The following PROS1 variants were observed in gnomAD, a reference collection of about 807,000 sequenced individuals.
The protein encoded by PROS1 is vitamin K-dependent protein S.
PROS1 carries 29 observed loss-of-function variants against 75.9 expected under a neutral mutation model. The observed-to-expected ratio is 0.38, with a 90% confidence interval of 0.28 to 0.52. The LOEUF (loss-of-function observed/expected upper bound fraction) is 0.52. Among genes scored for constraint, PROS1 ranks in the 20% least tolerant of loss-of-function variants. The pLI is 0.83. For synonymous variants in PROS1, 245 were observed against 280.6 expected (o/e 0.87, Z 1.27); for missense variants, 680 against 810.3 (o/e 0.84, Z 1.95).
chr3:93,886,454 T>C lies in PROS1; in HGVS notation c.1205A>G (p.Glu402Gly), dbSNP rs775715647. The change falls in exon 11 of 15, where the codon GAA becomes GGA. Residue 402 changes from glutamate (E) to glycine (G), a missense_variant. By Grantham distance (98) the Glu-to-Gly change is moderately conservative. Transcript: ENST00000394236. ...EHSISIKIAK[E>G]AVMDINKPGP... ...AGGTTTATTTATATCCATCACAGCT[T>C]CTTTAGCTATTTTAATGCTAATACT... The C allele has an allele frequency of 6.2e-7, 1 of 1,612,740 alleles. No individual in the cohort carries two copies. The highest frequency in any genetic ancestry group is 8.5e-7 in the Non-Finnish European group (1 of 1,178,860).
rs769962553 is a variant in PROS1 at position 93,886,328 on chromosome 3, A to AT, written c.1323+7dup. On this transcript the variant is annotated splice_region_variant and intron_variant, in intron 11 of 14. Transcript: ENST00000394236. ...TCCATGATGAATGATACAAGCTTGG[A>AT]TCATTACCGGTTTAATGAGTTCACT... The AT allele has an allele frequency of 6.2e-7, 1 of 1,612,366 alleles. No individual in the cohort carries two copies. Among genetic ancestry groups the AT allele is most frequent in the Non-Finnish European group, 8.5e-7 (1 of 1,178,500 alleles).
At chr3:93,926,724 C>G (rs562214207) in intron 2 of PROS1, among the ~76,000 whole-genome samples, 1 of 152,212 alleles carries the variant, frequency 6.6e-6, no homozygotes, top group Non-Finnish European at 1.5e-5. Context: ...CGCGCGCACA[C>G]GCACACACAC....
chr3:93,885,516 A>G (rs548540291), intron 11 of PROS1, among the ~76,000 whole-genome samples: 1 of 152,246 alleles, frequency 6.6e-6, no homozygotes, highest in South Asian at 2.1e-4. Flanking sequence ...GTGAACCACC[A>G]CGCCTGGCCT....
intron 3 of PROS1, among the ~76,000 whole-genome samples, chr3:93,911,794 T>C (rs1169110353): frequency 2.0e-5 from 3 of 152,210 alleles, no homozygotes; most frequent in Non-Finnish European, 4.4e-5. Flanking sequence ...TATGGGACAC[T>C]GTATAACTTC....
chr3:93,968,965 A>G (rs551110516), intron 1 of PROS1, among the ~76,000 whole-genome samples: 2 of 152,156 alleles, frequency 1.3e-5, no homozygotes, highest in East Asian at 1.9e-4. Context: ...AAACACAAAC[A>G]TGAGGCACTT....
intron 3 of PROS1, among the ~76,000 whole-genome samples, chr3:93,923,528 G>T (rs1303072028): frequency 6.6e-6 from 1 of 152,036 alleles, no homozygotes; most frequent in Non-Finnish European, 1.5e-5. Flanking sequence ...CACTTTAATA[G>T]TACAAATTCT....
At chr3:93,946,826 A>G (rs1423695462) in intron 1 of PROS1, among the ~76,000 whole-genome samples, 3 of 148,604 alleles carry the variant, frequency 2.0e-5, no homozygotes, top group African/African-American at 2.5e-5. Context: ...TAAACTAAAG[A>G]GCTTCTGCAC....
chr3:93,908,615 C>T (rs1708711122), intron 4 of PROS1, among the ~76,000 whole-genome samples: 1 of 152,088 alleles, frequency 6.6e-6, no homozygotes, highest in South Asian at 2.1e-4. Flanking sequence ...GGAAAATTTC[C>T]AGAGCTCAGA....
At chr3:93,957,341 G>A (rs949186570) in intron 1 of PROS1, among the ~76,000 whole-genome samples, 3 of 152,126 alleles carry the variant, frequency 2.0e-5, no homozygotes, top group Non-Finnish European at 1.5e-5. Context: ...ATTGGTCTCT[G>A]GTCAGTGGTA....
At chr3:93,956,563 A>ACACACACACAAACAC (rs57080075) in intron 1 of PROS1, among the ~76,000 whole-genome samples, 1 of 128,306 alleles carries the variant, frequency 7.8e-6, no homozygotes, top group Admixed American at 7.9e-5. Flanking sequence ...CACACACACA[A>ACACACACACAAACAC]ACACACACAC....
At chr3:93,950,260 G>T (rs1709474659) in intron 1 of PROS1, among the ~76,000 whole-genome samples, 1 of 152,210 alleles carries the variant, frequency 6.6e-6, no homozygotes, top group Non-Finnish European at 1.5e-5. Flanking sequence ...CTAGGGGCAG[G>T]GCTTAGCTGA....
intron 1 of PROS1, among the ~76,000 whole-genome samples, chr3:93,964,253 G>A (rs186236522): frequency 1.6e-4 from 24 of 152,272 alleles, no homozygotes; most frequent in African/African-American, 4.6e-4. Context: ...TACTCCCTGC[G>A]GGGTTGGGCA....
intron 12 of PROS1, among the ~76,000 whole-genome samples, chr3:93,884,489 A>C (rs1708317493): frequency 6.6e-6 from 1 of 152,234 alleles, no homozygotes; most frequent in Admixed American, 6.5e-5. Flanking sequence ...ACCCATAAGG[A>C]ATCAGGCTAT....
intron 1 of PROS1, among the ~76,000 whole-genome samples, chr3:93,947,811 C>A (rs761315670): frequency 5.3e-5 from 8 of 152,086 alleles, no homozygotes; most frequent in African/African-American, 1.7e-4. Flanking sequence ...TCGTGATCTG[C>A]CCGCCTCGGC....
intron 10 of PROS1, among the ~76,000 whole-genome samples, chr3:93,891,755 AT>A (rs2107148000): frequency 6.6e-6 from 1 of 151,918 alleles, no homozygotes; most frequent in African/African-American, 2.4e-5. Context: ...AATGTATATC[AT>A]TTGCACAAAA....
intron 1 of PROS1, among the ~76,000 whole-genome samples, chr3:93,970,799 C>T (rs1302400199): frequency 6.6e-6 from 1 of 151,994 alleles, no homozygotes; most frequent in Non-Finnish European, 1.5e-5. Context: ...TCTAATAACT[C>T]TTTCTAAAAT....
At chr3:93,912,771 C>T (rs765213755) in intron 3 of PROS1, among the ~76,000 whole-genome samples, 7 of 152,124 alleles carry the variant, frequency 4.6e-5, no homozygotes, top group Non-Finnish European at 8.8e-5. Context: ...GAATTTGCAG[C>T]CTCAAGCCCT....
intron 9 of PROS1, among the ~76,000 whole-genome samples, chr3:93,895,710 T>C (rs1361589124): frequency 6.6e-6 from 1 of 152,124 alleles, no homozygotes; most frequent in Non-Finnish European, 1.5e-5. Context: ...ATCTGATAAC[T>C]GAAGTACAAT....
intron 1 of PROS1, among the ~76,000 whole-genome samples, chr3:93,947,968 A>C (rs1033650043): frequency 6.6e-6 from 1 of 152,188 alleles, no homozygotes; most frequent in Admixed American, 6.5e-5. Context: ...CTGGTTATTG[A>C]TACATGTGCC....
Sources: allele counts gnomAD v4.1 joint callset (sites outside exome capture counted in the v4.1 genomes callset), GRCh38; gene constraint gnomAD v4.1.1; transcripts MANE v1.5; gene names NCBI Gene and HGNC (gene_info 2026-07-23, HGNC 2026-07-21).